The following RSPH14 variants were observed in gnomAD, a reference collection of about 807,000 sequenced individuals.
RSPH14 encodes the protein rhabdoid tumor deletion region gene 1.
In RSPH14, 20 loss-of-function variants were observed where a neutral mutation model predicts 26.7. The observed-to-expected ratio is 0.75, with a 90% CI of 0.53 to 1.09. RSPH14 has a LOEUF of 1.09. RSPH14 is among the 50% of genes least tolerant of loss of function. RSPH14 has a pLI of 0.00. For synonymous variants in RSPH14, 177 were observed against 189.3 expected (o/e 0.93, Z 0.53); for missense variants, 449 against 457.2 (o/e 0.98, Z 0.16).
chr22:23,155,912 A>G, the RSPH14 span: 1 of 1,508,334 alleles, frequency 6.6e-7, no homozygotes, highest in East Asian at 2.4e-5. Context: ...TTGGCTCAAG[A>G]CACTGTGATT....
chr22:23,160,521 T>C, the RSPH14 span, among the ~76,000 whole-genome samples: 77,848 of 152,030 alleles, frequency 0.51, 20,105 homozygotes, highest in East Asian at 0.65. Flanking sequence ...GGCAGGCACA[T>C]ATCTGTCCTG....
chr22:23,127,111 C>T (rs954856288), intron 4 of RSPH14, among the ~76,000 whole-genome samples: 1 of 152,226 alleles, frequency 6.6e-6, no homozygotes, highest in Non-Finnish European at 1.5e-5. Context: ...CAGATCCCCA[C>T]AGTGGCAACA....
At chr22:23,111,309 G>C (rs564376256) in intron 4 of RSPH14, among the ~76,000 whole-genome samples, 1 of 152,348 alleles carries the variant, frequency 6.6e-6, no homozygotes, top group East Asian at 1.9e-4. Context: ...GCTCTGTACC[G>C]AGCAGGGGGT....
chr22:23,112,768 A>G (rs2069690535), intron 4 of RSPH14, among the ~76,000 whole-genome samples: 1 of 152,014 alleles, frequency 6.6e-6, no homozygotes, highest in Non-Finnish European at 1.5e-5. Flanking sequence ...GACGGACACC[A>G]AGGTCAGATC....
intron 4 of RSPH14, chr22:23,123,260 G>A (rs755121439): frequency 6.2e-7 from 1 of 1,614,102 alleles, no homozygotes; most frequent in South Asian, 1.1e-5. Context: ...CGTACGAGGA[G>A]GCCGCTGTCT....
At chr22:23,173,622 G>GTTTTTTTTTTTTTTTTTTTTTT in the RSPH14 span, among the ~76,000 whole-genome samples, 1 of 112,290 alleles carries the variant, frequency 8.9e-6, no homozygotes. Flanking sequence ...TTTATTTTTG[G>GTTTTTTTTTTTTTTTTTTTTTT]TTTTTTGTTT....
At chr22:23,065,689 C>T (rs1267769409) in intron 4 of RSPH14, among the ~76,000 whole-genome samples, 1 of 152,010 alleles carries the variant, frequency 6.6e-6, no homozygotes, top group Admixed American at 6.6e-5. Flanking sequence ...TGGATGAAAA[C>T]GTGTTCCACG....
At chr22:23,153,146 G>GT in the RSPH14 span, 1 of 1,606,698 alleles carries the variant, frequency 6.2e-7, no homozygotes, top group South Asian at 1.1e-5. Context: ...TAAGTTGCTG[G>GT]TTCCCCCATG....
At chr22:23,104,964 G>A (rs914552740) in intron 4 of RSPH14, among the ~76,000 whole-genome samples, 1 of 152,214 alleles carries the variant, frequency 6.6e-6, no homozygotes, top group African/African-American at 2.4e-5. Flanking sequence ...TCTGCATGTG[G>A]CTCCCGTCTG....
rs934432173 is a variant in RSPH14 at position 23,140,426 on chromosome 22, C to T, written c.-6G>A. ...GAGTTCTGGGAATGGGCCATCTTTC[C>T]CCAACTACAGAGGCCTTTCCAAATG... On this transcript the variant is annotated 5_prime_UTR_variant, in exon 2 of 7. Coordinates refer to ENST00000216036, the MANE Select transcript of RSPH14 (RefSeq NM_014433.3). 8.7e-6 allele frequency: 14 copies of T among 1,613,734 alleles called. No individual in the cohort carries two copies. Among genetic ancestry groups the T allele is most frequent in the Middle Eastern group, 3.3e-4 (2 of 6,084 alleles).
intron 4 of RSPH14, among the ~76,000 whole-genome samples, chr22:23,100,667 C>T (rs545284674): frequency 2.2e-4 from 34 of 152,380 alleles, no homozygotes; most frequent in African/African-American, 6.7e-4. Flanking sequence ...CCACCCGGCA[C>T]AGCCTGTGCT....
At chr22:23,075,486 C>T (rs181688798) in intron 4 of RSPH14, among the ~76,000 whole-genome samples, 55 of 152,352 alleles carry the variant, frequency 3.6e-4, no homozygotes, top group Middle Eastern at 3.4e-3. Context: ...CAGCTTCACA[C>T]AGCAATGGCT....
the RSPH14 span, among the ~76,000 whole-genome samples, chr22:23,153,817 T>G: frequency 1.3e-5 from 2 of 148,546 alleles, no homozygotes; most frequent in East Asian, 4.1e-4. Flanking sequence ...GCCTCCCAAG[T>G]AGGACAACAG....
At chr22:23,177,925 G>A in the RSPH14 span, among the ~76,000 whole-genome samples, 2 of 152,252 alleles carry the variant, frequency 1.3e-5, no homozygotes, top group African/African-American at 4.8e-5. Context: ...CCAGCCTCCT[G>A]AGCAGGTAGA....
At chr22:23,153,633 C>T in the RSPH14 span, 15 of 984,870 alleles carry the variant, frequency 1.5e-5, no homozygotes, top group African/African-American at 1.8e-5. Context: ...CACTCGTCTT[C>T]CTCCTCACAC....
chr22:23,097,539 G>A (rs1187492107), intron 4 of RSPH14, among the ~76,000 whole-genome samples: 2 of 152,254 alleles, frequency 1.3e-5, no homozygotes, highest in African/African-American at 4.8e-5. Flanking sequence ...GTGCCTAGGT[G>A]TTGATGGTGT....
intron 4 of RSPH14, among the ~76,000 whole-genome samples, chr22:23,113,878 G>A (rs548275045): frequency 9.6e-4 from 147 of 152,342 alleles, no homozygotes; most frequent in African/African-American, 3.2e-3. Flanking sequence ...CCAGCCAAGG[G>A]CAGGCACCCG....
intron 4 of RSPH14, among the ~76,000 whole-genome samples, chr22:23,093,332 T>C (rs766305778): frequency 3.2e-4 from 48 of 152,300 alleles, no homozygotes; most frequent in Non-Finnish European, 4.7e-4. Flanking sequence ...CCTCAGCCTC[T>C]CCATTGATTC....
chr22:23,084,970 C>T (rs996201180), intron 4 of RSPH14, among the ~76,000 whole-genome samples: 1 of 152,196 alleles, frequency 6.6e-6, no homozygotes, highest in Non-Finnish European at 1.5e-5. Flanking sequence ...AGTGCTGCTC[C>T]AGGAGGCCAT....
Sources: gnomAD v4.1 joint callset for allele counts (sites outside exome capture counted in the v4.1 genomes callset) on GRCh38, gnomAD v4.1.1 for gene constraint, MANE v1.5 for transcripts, NCBI Gene and HGNC (gene_info 2026-07-23, HGNC 2026-07-21) for gene names.